The following SDHAF4 variants were observed in gnomAD, a reference collection of about 807,000 sequenced individuals.
SDHAF4 encodes succinate dehydrogenase assembly factor 4, mitochondrial.
In SDHAF4, 14 loss-of-function variants were observed where a neutral mutation model predicts 14.3. The ratio of observed to expected loss-of-function variants is 0.98; its 90% CI spans 0.65 to 1.53. SDHAF4 has a LOEUF of 1.53. Ranked by LOEUF, SDHAF4 falls within the 40% of genes most tolerant of loss-of-function variation. The pLI, the probability that SDHAF4 is intolerant of heterozygous loss-of-function variation, is 0.00. For missense variants in SDHAF4, 141 were observed against 129.3 expected (o/e 1.09, Z -0.44); for synonymous variants, 63 against 47.3 (o/e 1.33, Z -1.36).
chr6:70,587,168 T>TCACACACACACA (rs56012930), intron 2 of SDHAF4, among the ~76,000 whole-genome samples: 3,287 of 135,478 alleles, frequency 0.024, 56 homozygotes, highest in African/African-American at 0.042. Flanking sequence ...TGAAACTCCA[T>TCACACACACACA]CACACACACA....
intron 2 of SDHAF4, among the ~76,000 whole-genome samples, chr6:70,581,998 T>G (rs1310066406): frequency 2.0e-5 from 3 of 152,170 alleles, no homozygotes; most frequent in Non-Finnish European, 4.4e-5. Flanking sequence ...CACCTAAATG[T>G]GGGTATTTGC....
intron 1 of SDHAF4, among the ~76,000 whole-genome samples, chr6:70,569,837 A>G (rs934525052): frequency 2.6e-5 from 4 of 152,134 alleles, no homozygotes; most frequent in African/African-American, 9.7e-5. Flanking sequence ...TCATGGACAT[A>G]ATCTCTTATA....
Position 70,588,664 on chromosome 6 carries a change from G to A in SDHAF4, c.267G>A (p.Arg89=). Residue 89 remains arginine (R), a synonymous_variant, in exon 3 of 3, where the codon AGG becomes AGA. Coordinates refer to ENST00000370474, the MANE Select transcript of SDHAF4 (RefSeq NM_145267.3). ...TGACCAAAGAAAAAGGTGGACCCAG[G>A]GGCCCAGAACCTACCCGATATGGAG... is the stretch of plus-strand genomic sequence containing the variant. ...NPVTKEKGGP[R]GPEPTRYGDW... is the part of the protein sequence containing the mutation. 1 of 1,602,412 alleles carries A rather than the reference G, an allele frequency of 6.2e-7. No individual in the cohort carries two copies. Among genetic ancestry groups the A allele is most frequent in the Non-Finnish European group, 8.5e-7 (1 of 1,172,446 alleles).
chr6:70,581,614 T>G (rs1802324010), intron 2 of SDHAF4, among the ~76,000 whole-genome samples: 1 of 152,162 alleles, frequency 6.6e-6, no homozygotes, highest in East Asian at 1.9e-4. Context: ...TTGTTTTGTT[T>G]TGTTTTGTTG....
the SDHAF4 span, among the ~76,000 whole-genome samples, chr6:70,596,230 T>C: frequency 6.6e-6 from 1 of 152,202 alleles, no homozygotes; most frequent in African/African-American, 2.4e-5. Context: ...CCCTAGCTGC[T>C]ACCCCATGGG....
rs562612698 is a variant in SDHAF4 at position 70,579,600 on chromosome 6, G to A, written c.217+34G>A. On this transcript the variant is annotated intron_variant, in intron 2 of 2. Transcript: ENST00000370474. ...AATAAAGCACCTCTCAGTTTTTGAAGTATCAAGGAAAGTGTTTTAGTTATT... is the reference window on the plus strand; with the variant it reads ...AATAAAGCACCTCTCAGTTTTTGAAATATCAAGGAAAGTGTTTTAGTTATT... The A allele has an allele frequency of 1.0e-5, 16 of 1,536,978 alleles. No homozygotes were observed. In the South Asian group the frequency reaches 1.5e-4, roughly 15 times the overall value.
chr6:70,583,217 A>T (rs548126476), intron 2 of SDHAF4, among the ~76,000 whole-genome samples: 1 of 152,196 alleles, frequency 6.6e-6, no homozygotes, highest in South Asian at 2.1e-4. Flanking sequence ...GGTTCAAGCG[A>T]TTCTCCTGCC....
intron 1 of SDHAF4, among the ~76,000 whole-genome samples, chr6:70,575,921 A>G (rs1397111222): frequency 1.3e-5 from 2 of 152,192 alleles, no homozygotes; most frequent in African/African-American, 4.8e-5. Flanking sequence ...TAAGTTTGTC[A>G]GCTATTTCCC....
In SDHAF4 at chr6:70,583,229, C is replaced by T. The variant is rs372881957; in HGVS notation, c.217+3663C>T. ...CCGGGTTCAAGCGATTCTCCTGCCT[C>T]AGCCTCCTGAGTAGCTGGGATTACA... On this transcript the variant is annotated intron_variant, in intron 2 of 2. Transcript: ENST00000370474. Among the ~76,000 whole-genome samples, 38 of 152,320 alleles carry T rather than the reference C, an allele frequency of 2.5e-4. 1 individual carries two copies. In the South Asian group the frequency reaches 7.9e-3, roughly 32 times the overall value.
At chr6:70,587,735 T>G (rs1249198804) in intron 2 of SDHAF4, among the ~76,000 whole-genome samples, 1 of 152,186 alleles carries the variant, frequency 6.6e-6, no homozygotes. Context: ...CCCATAGGAT[T>G]GTTAGGAAGA....
At chr6:70,590,249 TA>T (rs1581934072), downstream of SDHAF4, among the ~76,000 whole-genome samples, 1 of 141,282 alleles carries the variant, frequency 7.1e-6, no homozygotes, top group East Asian at 2.1e-4. Context: ...AAAAAAAAAA[TA>T]AAAAGCAAAG....
chr6:70,584,116 C>T lies in SDHAF4; in HGVS notation c.218-4499C>T, dbSNP rs541824150. Among the ~76,000 whole-genome samples, 16 of 152,034 alleles carry T rather than the reference C, an allele frequency of 1.1e-4. No individual in the cohort carries two copies. In the East Asian group the frequency reaches 2.1e-3, roughly 20 times the overall value. On this transcript the variant is annotated intron_variant, in intron 2 of 2. Coordinates refer to ENST00000370474, the MANE Select transcript of SDHAF4 (RefSeq NM_145267.3). ...TCTCGGCTCACTGCAACCTCTGCCT[C>T]GGGTTCAAGCGAGTCTCCTTCCTCA... is the stretch of plus-strand genomic sequence containing the variant.
chr6:70,585,917 C>A (rs961906783), intron 2 of SDHAF4, among the ~76,000 whole-genome samples: 5 of 152,116 alleles, frequency 3.3e-5, no homozygotes, highest in Non-Finnish European at 2.9e-5. Flanking sequence ...TTTCCCCGTG[C>A]TATGCAGGAT....
chr6:70,585,446 G>A (rs557644883), intron 2 of SDHAF4, among the ~76,000 whole-genome samples: 1 of 152,278 alleles, frequency 6.6e-6, no homozygotes, highest in Admixed American at 6.5e-5. Flanking sequence ...AGCAAGAAGC[G>A]ACCATCTGTA....
chr6:70,584,802 A>C (rs1208567268), intron 2 of SDHAF4, among the ~76,000 whole-genome samples: 3 of 152,224 alleles, frequency 2.0e-5, no homozygotes, highest in Non-Finnish European at 2.9e-5. Flanking sequence ...TACGAAAGTC[A>C]TCAGGAAAGA....
rs146095416 is a variant in SDHAF4, at chr6:70,576,765, G to A, written c.65-2649G>A. 4.9e-3 allele frequency among the ~76,000 whole-genome samples: 747 copies of A among 152,252 alleles called. 9 individuals are homozygous for A. Among genetic ancestry groups the A allele is most frequent in the Admixed American group, 0.028 (421 of 15,292 alleles). On this transcript the variant is annotated intron_variant, in intron 1 of 2. Coordinates refer to ENST00000370474, the MANE Select transcript of SDHAF4 (RefSeq NM_145267.3). Reference sequence around the variant, plus strand: ...TATCACTATCCTAAAGGCATAAATTGTCCCGTTTACTCAGCAATCTCATGT... The same window carrying A: ...TATCACTATCCTAAAGGCATAAATTATCCCGTTTACTCAGCAATCTCATGT...
chr6:70,590,965 G>A (rs550334717), downstream of SDHAF4, among the ~76,000 whole-genome samples: 1 of 152,124 alleles, frequency 6.6e-6, no homozygotes, highest in Non-Finnish European at 1.5e-5. Flanking sequence ...TGAGGGCAAA[G>A]AAGATGAGAA....
chr6:70,585,316 T>C (rs1765182310), intron 2 of SDHAF4, among the ~76,000 whole-genome samples: 1 of 152,240 alleles, frequency 6.6e-6, no homozygotes, highest in Non-Finnish European at 1.5e-5. Context: ...GTGAATTTTA[T>C]TATAAGCAGA....
downstream of SDHAF4, among the ~76,000 whole-genome samples, chr6:70,593,425 G>A (rs1398599373): frequency 6.6e-6 from 1 of 152,214 alleles, no homozygotes; most frequent in African/African-American, 2.4e-5. Flanking sequence ...GCTGCAGAAA[G>A]TTCCCAACAG....
Sources: gnomAD v4.1 joint callset for allele counts (sites outside exome capture counted in the v4.1 genomes callset) on GRCh38, gnomAD v4.1.1 for gene constraint, MANE v1.5 for transcripts, NCBI Gene and HGNC (gene_info 2026-07-23, HGNC 2026-07-21) for gene names.